The following CWH43 variants were observed in gnomAD, a reference collection of about 807,000 sequenced individuals.
CWH43 encodes PGAP2-interacting protein.
A neutral mutation model predicts 85.7 loss-of-function variants in CWH43; 91 were observed. That is an observed-to-expected ratio of 1.06 (90% CI 0.90 to 1.26). The LOEUF is 1.26. Among genes scored for constraint, CWH43 ranks in the 50% most tolerant of loss-of-function variants. The pLI is 0.00. For missense variants in CWH43, 869 were observed against 839.2 expected (o/e 1.04, Z -0.44); for synonymous variants, 323 against 293.6 (o/e 1.10, Z -1.02).
At chr4:48,998,358 CTCTTA>C in intron 5 of CWH43, 97 bp from the exon 6 acceptor site, 1 of 870,524 alleles carries the variant, frequency 1.1e-6, no homozygotes, top group Non-Finnish European at 1.9e-6. Context: ...CACACGTTAT[CTCTTA>C]TATGTACCCA....
intron 15 of CWH43, among the ~76,000 whole-genome samples, chr4:49,052,563 CAG>C (rs1323913200): frequency 2.0e-5 from 3 of 152,204 alleles, no homozygotes; most frequent in Admixed American, 6.5e-5. Context: ...GCTAAAAAAT[CAG>C]AGAAGAAAAG....
chr4:49,003,746 GCTGCGGGGCTCCTTTAC>G lies in CWH43; in HGVS notation c.819_835del (p.Gly274HisfsTer28). 6.2e-7 allele frequency: 1 copy of G among 1,613,862 alleles called. No homozygotes were observed. On this transcript the variant is annotated frameshift_variant, in exon 7 of 16. Coordinates refer to ENST00000226432, the MANE Select transcript of CWH43 (RefSeq NM_025087.3). LOFTEE classifies it high-confidence loss of function. Reference sequence around the variant, plus strand: ...TCTCTCACAAACAGGAACAGCTTCAGCTGCGGGGCTCCTTTACCTGCACACATGGGCAGCTGCTGTGT... The same window carrying G: ...TCTCTCACAAACAGGAACAGCTTCAGCTGCACACATGGGCAGCTGCTGTGT...
rs1042235413 is a variant in CWH43 at position 48,992,538 on chromosome 4, T to G, written c.511+448T>G. Among the ~76,000 whole-genome samples the G allele has an allele frequency of 1.3e-5, 2 of 152,104 alleles. No homozygotes were observed. The highest frequency in any genetic ancestry group is 4.8e-5 in the African/African-American group (2 of 41,408). On this transcript the variant is annotated intron_variant, in intron 4 of 15. Transcript: ENST00000226432. This position sits in a 1 kb window ranked among gnomAD's most constrained non-coding sequence, Gnocchi z 4.3. ...CTCCCTGGGTTTTTTTTCCCAGAGGTCTGAAGCTCCAAATCTAAGAATTGA... is the reference window on the plus strand; with the variant it reads ...CTCCCTGGGTTTTTTTTCCCAGAGGGCTGAAGCTCCAAATCTAAGAATTGA...
chr4:49,030,779 C>T (rs1260393087), intron 10 of CWH43, 46 bp from the exon 11 acceptor site: 1 of 1,486,288 alleles, frequency 6.7e-7, no homozygotes, highest in Non-Finnish European at 8.9e-7. Flanking sequence ...TGTTTTTTGC[C>T]TTGCTGTGAT....
rs552508797 is a variant in CWH43 at position 48,988,631 on chromosome 4, G to A, written c.198G>A (p.Lys66=). ...CTCCTTTCTGGAAATTGGTTAACAAGAAGTGGATGCTAACCCTGCTGAGGA... is the reference window on the plus strand; with the variant it reads ...CTCCTTTCTGGAAATTGGTTAACAAAAAGTGGATGCTAACCCTGCTGAGGA... ...TITPFWKLVN[K]KWMLTLLRII... The change falls in exon 2 of 16, where the codon AAG becomes AAA. Residue 66 remains lysine (K), a synonymous_variant. Transcript: ENST00000226432. 26 of 1,612,496 alleles carry A rather than the reference G, an allele frequency of 1.6e-5. 1 individual carries two copies. The African/African-American group carries it at 2.7e-4, about 17-fold the overall frequency.
At chr4:49,050,992 A>C in intron 15 of CWH43, 143 bp downstream of exon 15, 1 of 595,672 alleles carries the variant, frequency 1.7e-6, no homozygotes, top group Non-Finnish European at 2.7e-6. Context: ...AAGATGATAA[A>C]ATCTGGTTTG....
At chr4:49,046,970 G>A (rs544360917) in intron 14 of CWH43, among the ~76,000 whole-genome samples, 2 of 152,278 alleles carry the variant, frequency 1.3e-5, no homozygotes, top group East Asian at 1.9e-4. Flanking sequence ...AATGTGGGGA[G>A]CCCTGGTGTG....
At chr4:49,044,492 C>T (rs902229463) in intron 13 of CWH43, among the ~76,000 whole-genome samples, 3 of 152,128 alleles carry the variant, frequency 2.0e-5, no homozygotes, top group African/African-American at 7.2e-5. Context: ...TGGAAAGCTG[C>T]CAGGAGTCAG....
intron 15 of CWH43, among the ~76,000 whole-genome samples, chr4:49,051,756 T>C (rs1007187543): frequency 1.3e-5 from 2 of 152,140 alleles, no homozygotes; most frequent in African/African-American, 2.4e-5. Flanking sequence ...TTTGTATTTT[T>C]AGTAAAGACA....
Position 49,003,811 on chromosome 4 carries a change from T to C in CWH43, c.879T>C (p.Phe293=). The change falls in exon 7 of 16, where the codon TTT becomes TTC. Residue 293 remains phenylalanine (F), a synonymous_variant. Coordinates refer to ENST00000226432, the MANE Select transcript of CWH43 (RefSeq NM_025087.3). ...AAVSGCVFAI[F]TASMWPQTLG... is the part of the protein sequence containing the mutation. ...TGTCTGGCTGTGTCTTCGCCATCTT[T>C]ACTGCATCCATGTGGCCCCAAACAC... 1 of 1,614,040 alleles carries C rather than the reference T, an allele frequency of 6.2e-7. No homozygotes were observed. Among genetic ancestry groups the C allele is most frequent in the Non-Finnish European group, 8.5e-7 (1 of 1,179,934 alleles).
chr4:48,988,307 T>C (rs1007980362), intron 1 of CWH43, among the ~76,000 whole-genome samples, 170 bp from the exon 2 acceptor site: 1 of 152,182 alleles, frequency 6.6e-6, no homozygotes, highest in African/African-American at 2.4e-5. Flanking sequence ...CCTACACAGG[T>C]GTAGAGCTCT....
Position 48,992,233 on chromosome 4 carries a change from T to C in CWH43, c.511+143T>C. On this transcript the variant is annotated intron_variant, in intron 4 of 15. Coordinates refer to ENST00000226432, the MANE Select transcript of CWH43 (RefSeq NM_025087.3). This position sits in a 1 kb window ranked among gnomAD's most constrained non-coding sequence, Gnocchi z 4.3. Reference sequence around the variant, plus strand: ...GCTTTTTCTTCCTCTGAAATAATAATTGGTGCAGCCAGTGGGCTATTTGCT... The same window carrying C: ...GCTTTTTCTTCCTCTGAAATAATAACTGGTGCAGCCAGTGGGCTATTTGCT... 1 of 742,590 alleles carries C rather than the reference T, an allele frequency of 1.3e-6. No individual in the cohort carries two copies. The allele number at this position is 742,590 out of a possible 1,614,324, so 46.0% of individuals were successfully genotyped here.
At position 48,994,812 on chromosome 4, in the gene CWH43, C is replaced by T. The variant is rs1782761477; in HGVS notation, c.705C>T (p.Asn235=). 15 of 1,613,756 alleles carry T rather than the reference C, an allele frequency of 9.3e-6. No individual in the cohort carries two copies. The highest frequency in any genetic ancestry group is 1.3e-5 in the Non-Finnish European group (15 of 1,179,960). The change falls in exon 5 of 16, where the codon AAC becomes AAT. Residue 235 remains asparagine, a synonymous_variant. Coordinates refer to ENST00000226432, the MANE Select transcript of CWH43 (RefSeq NM_025087.3). Reference sequence around the variant, plus strand: ...ATCCACATCCAGGGCCAGATCCTAACCCATTTGGGTGAGTTTGGGTTTGGA... The same window carrying T: ...ATCCACATCCAGGGCCAGATCCTAATCCATTTGGGTGAGTTTGGGTTTGGA... ...SGHPHPGPDP[N]PFGGAVLLCL...
intron 5 of CWH43, among the ~76,000 whole-genome samples, 182 bp downstream of exon 5, chr4:48,995,002 C>T (rs1314835293): frequency 6.6e-6 from 1 of 152,200 alleles, no homozygotes; most frequent in African/African-American, 2.4e-5. Context: ...GGGTCTTTTC[C>T]TCTGTGCAGA....
chr4:49,030,277 T>A (rs1176168072), intron 10 of CWH43, among the ~76,000 whole-genome samples: 1 of 152,204 alleles, frequency 6.6e-6, no homozygotes, highest in East Asian at 1.9e-4. Context: ...AGGACTAACC[T>A]GTTCTGGTTA....
chr4:49,009,948 G>C (rs749230003), intron 8 of CWH43, among the ~76,000 whole-genome samples: 18 of 151,996 alleles, frequency 1.2e-4, no homozygotes, highest in African/African-American at 2.7e-4. Context: ...TTTTTTTGTT[G>C]TGTCTCTGCC....
Position 49,030,898 on chromosome 4 carries a change from G to A in CWH43, c.1446G>A (p.Trp482Ter), listed in dbSNP as rs2109805865. The change falls in exon 11 of 16, where the codon TGG (tryptophan) becomes TGA (stop). Residue 482 changes from tryptophan to a stop codon, truncating the protein, a stop_gained. Coordinates refer to ENST00000226432, the MANE Select transcript of CWH43 (RefSeq NM_025087.3). LOFTEE classifies it high-confidence loss of function. Reference protein sequence around the residue: ...PYMGNNDLTMWLGEKLGFYTD... With the variant: ...PYMGNNDLTM Reference sequence around the variant, plus strand: ...TGGGGAACAATGACTTAACCATGTGGCTAGGGGAAAAGTTGGGTTTCTATA... The same window carrying A: ...TGGGGAACAATGACTTAACCATGTGACTAGGGGAAAAGTTGGGTTTCTATA... 1 of 1,611,278 alleles carries A rather than the reference G, an allele frequency of 6.2e-7. No individual in the cohort carries two copies. Among genetic ancestry groups the A allele is most frequent in the East Asian group, 2.2e-5 (1 of 44,634 alleles).
intron 14 of CWH43, among the ~76,000 whole-genome samples, chr4:49,048,647 A>G (rs938033965): frequency 6.6e-6 from 1 of 151,918 alleles, no homozygotes; most frequent in African/African-American, 2.4e-5. Flanking sequence ...GTGCCTGCAG[A>G]GAGAGAGTGA....
intron 14 of CWH43, among the ~76,000 whole-genome samples, chr4:49,045,780 G>T (rs1348874025): frequency 1.3e-5 from 2 of 151,796 alleles, no homozygotes; most frequent in African/African-American, 4.8e-5. Context: ...TATTGGGGGG[G>T]TACAATGTGG....
Sources: allele counts gnomAD v4.1 joint callset (sites outside exome capture counted in the v4.1 genomes callset), GRCh38; gene constraint gnomAD v4.1.1; non-coding constraint Gnocchi (gnomAD v3.1); transcripts MANE v1.5; gene names NCBI Gene and HGNC (gene_info 2026-07-23, HGNC 2026-07-21).